Variants in CCPG1 observed in about 807,000 individuals in gnomAD.
CCPG1 encodes cell cycle progression 1, also known as cell cycle progression protein 1.
CCPG1 carries 46 observed loss-of-function variants against 81.3 expected under a neutral mutation model. That is an observed-to-expected ratio of 0.57 (90% CI 0.45 to 0.72). The LOEUF (loss-of-function observed/expected upper bound fraction) is 0.72. CCPG1 is among the 30% of genes least tolerant of loss of function. CCPG1 has a pLI of 0.00. For missense variants in CCPG1, 902 were observed against 937.6 expected, an observed-to-expected ratio of 0.96 and a Z score of 0.50; for synonymous variants, 330 against 305.2, an observed-to-expected ratio of 1.08 and a Z score of -0.85.
intron 3 of CCPG1, among the ~76,000 whole-genome samples, chr15:55,380,755 C>T (rs1050708898): frequency 1.3e-5 from 2 of 151,992 alleles, no homozygotes; most frequent in African/African-American, 4.8e-5. Context: ...TGACTCATGC[C>T]TGTAATCCCA....
rs552042791 is a variant in CCPG1, at chr15:55,364,377, C to T, written c.828+811G>A. On this transcript the variant is annotated intron_variant, in intron 7 of 8. Coordinates refer to ENST00000442196, the MANE Select transcript of CCPG1 (RefSeq NM_001204450.2). The stretch of plus-strand genomic sequence containing the variant: ...AGAAGATCTTAGAGAGGCTATAAAA[C>T]CAAAACTCTCCTCTTTCCCTCCTGC... Among the ~76,000 whole-genome samples the T allele has an allele frequency of 1.2e-4, 18 of 150,772 alleles. 1 individual carries two copies. The South Asian group carries it at 3.4e-3, about 29-fold the overall frequency.
chr15:55,364,886 A>C (rs925841649), intron 7 of CCPG1, among the ~76,000 whole-genome samples: 3 of 152,174 alleles, frequency 2.0e-5, no homozygotes, highest in Non-Finnish European at 4.4e-5. Flanking sequence ...TAAATAAACA[A>C]ACAAACAAAA....
rs966105950 is a variant in CCPG1, at chr15:55,380,551, A to T, written c.176-2175T>A. Among the ~76,000 whole-genome samples, 7 of 151,648 alleles carry T rather than the reference A, an allele frequency of 4.6e-5. No homozygotes were observed. The East Asian group carries it at 6.0e-4, about 13-fold the overall frequency. ...ACCCCGTAAGCCGCCCGCCTCGGCC[A>T]CCCAAAGTGCTGGGATTATAGGCAT... is the stretch of plus-strand genomic sequence containing the variant. On this transcript the variant is annotated intron_variant, in intron 3 of 8. Transcript: ENST00000442196.
chr15:55,382,469 C>A (rs1179284733), intron 3 of CCPG1, among the ~76,000 whole-genome samples: 2 of 151,784 alleles, frequency 1.3e-5, no homozygotes. Flanking sequence ...TCAAGTTTAT[C>A]ATGAGATTAC....
intron 1 of CCPG1, among the ~76,000 whole-genome samples, chr15:55,391,726 G>A (rs1447999394): frequency 1.3e-5 from 2 of 152,036 alleles, no homozygotes; most frequent in Non-Finnish European, 2.9e-5. Context: ...GCAGTGGAGA[G>A]TGCCTATTAA....
At chr15:55,403,511 GA>G (rs1191899229) in intron 1 of CCPG1, among the ~76,000 whole-genome samples, 1 of 151,848 alleles carries the variant, frequency 6.6e-6, no homozygotes, top group Non-Finnish European at 1.5e-5. Context: ...GACCCTTAAA[GA>G]GGTTTCCACA....
intron 1 of CCPG1, among the ~76,000 whole-genome samples, chr15:55,391,994 A>G (rs1399554461): frequency 6.7e-6 from 1 of 150,124 alleles, no homozygotes; most frequent in Non-Finnish European, 1.5e-5. Context: ...CCTGGGCAAC[A>G]TTGCAAAAAA....
chr15:55,356,249 C>T lies in CCPG1; in HGVS notation c.2395G>A (p.Gly799Arg), dbSNP rs1726440759. The change falls in exon 9 of 9, where the codon GGG becomes AGG. Residue 799 changes from glycine (G) to arginine (R), a missense_variant. Around this residue, in one of 3 missense-constraint regions of CCPG1, gnomAD observed 128 missense variants for 161.2 expected, o/e 0.79. Transcript: ENST00000442196. ...RQMANLEIEL[G>R]QLPFDPQY ...TATTGAGGATCAAAAGGTAATTGCCCCAATTCTATTTCAAGATTTGCCATT... is the reference window on the plus strand; with the variant it reads ...TATTGAGGATCAAAAGGTAATTGCCTCAATTCTATTTCAAGATTTGCCATT... 1 of 1,534,198 alleles carries T rather than the reference C, an allele frequency of 6.5e-7. No individual in the cohort carries two copies. Among genetic ancestry groups the T allele is most frequent in the African/African-American group, 1.4e-5 (1 of 72,916 alleles).
chr15:55,389,386 A>T lies in CCPG1; in HGVS notation c.39T>A (p.Gly13=). 6.2e-7 allele frequency: 1 copy of T among 1,610,758 alleles called. No individual in the cohort carries two copies. Among genetic ancestry groups the T allele is most frequent in the Non-Finnish European group, 8.5e-7 (1 of 1,177,010 alleles). The change falls in exon 2 of 9, where the codon GGT becomes GGA. Residue 13 remains glycine (G), a synonymous_variant. Transcript: ENST00000442196. ...ENSSDSDSSC[G]WTVISHEGSD... The stretch of plus-strand genomic sequence containing the variant: ...ATACCTCATGACTGATGACAGTCCA[A>T]CCACAAGATGAATCACTGTCACTGG...
intron 3 of CCPG1, among the ~76,000 whole-genome samples, 186 bp from the exon 4 acceptor site, chr15:55,378,562 A>G (rs548668744): frequency 6.6e-6 from 1 of 152,224 alleles, no homozygotes; most frequent in East Asian, 1.9e-4. Context: ...TTTATTTGAA[A>G]CTGTCAGGTG....
chr15:55,385,498 T>G (rs565175117), intron 3 of CCPG1, 102 bp downstream of exon 3: 3 of 595,718 alleles, frequency 5.0e-6, no homozygotes, highest in Non-Finnish European at 8.7e-6. Context: ...CAACGACCCC[T>G]TAGATTAGCC....
intron 6 of CCPG1, among the ~76,000 whole-genome samples, chr15:55,366,545 A>C (rs553454611): frequency 6.6e-6 from 1 of 152,142 alleles, no homozygotes; most frequent in Non-Finnish European, 1.5e-5. Flanking sequence ...GCCAAAGCAG[A>C]TGGATCACCT....
chr15:55,382,398 T>G (rs1450681677), intron 3 of CCPG1, among the ~76,000 whole-genome samples: 1 of 152,146 alleles, frequency 6.6e-6, no homozygotes, highest in African/African-American at 2.4e-5. Flanking sequence ...TCACCAAGAG[T>G]AGATTGCATC....
At position 55,360,434 on chromosome 15, in the gene CCPG1, A is replaced by T. The variant is rs2056167635; in HGVS notation, c.1339T>A (p.Leu447Met). 4 of 1,613,746 alleles carry T rather than the reference A, an allele frequency of 2.5e-6. No individual in the cohort carries two copies. Among genetic ancestry groups the T allele is most frequent in the Non-Finnish European group, 3.4e-6 (4 of 1,180,010 alleles). Residue 447 changes from leucine (L) to methionine (M), a missense_variant, in exon 8 of 9, where the codon TTG (leucine) becomes ATG (methionine). By Grantham distance (15) the Leu-to-Met change is conservative. This residue lies in a region of CCPG1 where 746 missense variants were observed against 728.6 expected (regional missense o/e 1.02). Transcript: ENST00000442196. ...KLTFEQQRSDLWERLYVEAKD... is the reference protein window; with the variant it reads ...KLTFEQQRSDMWERLYVEAKD... ...GCCTCAACATACAATCTTTCCCACA[A>T]ATCAGAACGCTGCTGTTCGAAGGTT...
At chr15:55,386,511 T>C (rs887550962) in intron 2 of CCPG1, among the ~76,000 whole-genome samples, 1 of 152,148 alleles carries the variant, frequency 6.6e-6, no homozygotes, top group African/African-American at 2.4e-5. Flanking sequence ...TTTCCCTATG[T>C]CCCCACTATA....
At chr15:55,405,195 C>G (rs1285956457) in intron 1 of CCPG1, among the ~76,000 whole-genome samples, 1 of 151,802 alleles carries the variant, frequency 6.6e-6, no homozygotes, top group Non-Finnish European at 1.5e-5. Flanking sequence ...AACTCTGTCT[C>G]TACTAAAAAA....
At chr15:55,377,413 C>A (rs998551718) in intron 4 of CCPG1, among the ~76,000 whole-genome samples, 1 of 152,174 alleles carries the variant, frequency 6.6e-6, no homozygotes, top group Non-Finnish European at 1.5e-5. Flanking sequence ...CATCTTTGCC[C>A]CCTCAATAAC....
rs1321235295 is a variant in CCPG1 at position 55,361,088 on chromosome 15, A to C, written c.829-144T>G. 11 of 855,110 alleles carry C rather than the reference A, an allele frequency of 1.3e-5. No individual in the cohort carries two copies. In the East Asian group the frequency reaches 3.2e-4, roughly 25 times the overall value. 53.0% of individuals were successfully genotyped at this position (855,110 alleles called of 1,614,324 possible). On this transcript the variant is annotated intron_variant, in intron 7 of 8. Transcript: ENST00000442196. ...CCCGGGTAGTATTTTCAATAGTATAAACATTGGGAAATACAAGGTTCATAT... is the reference window on the plus strand; with the variant it reads ...CCCGGGTAGTATTTTCAATAGTATACACATTGGGAAATACAAGGTTCATAT...
intron 1 of CCPG1, among the ~76,000 whole-genome samples, chr15:55,407,099 G>T (rs1246502431): frequency 6.6e-6 from 1 of 151,224 alleles, no homozygotes; most frequent in Non-Finnish European, 1.5e-5. Context: ...GTGGTGGCGG[G>T]CGCCTGTAAT....
Sources: gnomAD v4.1 joint callset for allele counts (sites outside exome capture counted in the v4.1 genomes callset) on GRCh38, gnomAD v4.1.1 for gene constraint, gnomAD v4.1.1 regional missense constraint, MANE v1.5 for transcripts, NCBI Gene and HGNC (gene_info 2026-07-23, HGNC 2026-07-21) for gene names.